ALPK1: variants seen among roughly 807,000 people sequenced by gnomAD.
The protein encoded by ALPK1 is alpha kinase 1.
In ALPK1, 110 loss-of-function variants were observed where a neutral mutation model predicts 120.6. The ratio of observed to expected loss-of-function variants is 0.91; its 90% confidence interval spans 0.78 to 1.07. The LOEUF (loss-of-function observed/expected upper bound fraction) is 1.07. ALPK1 is among the 50% of genes least tolerant of loss of function. The probability of loss-of-function intolerance (pLI) is 0.00; values close to 1 mark genes in which losing one functional copy is unlikely to be tolerated. For synonymous variants in ALPK1, 582 were observed against 560.3 expected (o/e 1.04, Z -0.55); for missense variants, 1,498 against 1,483.9 (o/e 1.01, Z -0.16).
In ALPK1 at chr4:112,331,238, A is replaced by G. The variant is rs183240125; in HGVS notation, c.-101+15386A>G. Reference sequence around the variant, plus strand: ...AGAGTAGGGAGACAGGAAAACGGACATGTGCAGTACTGGTCTTTTGCCCGC... The same window carrying G: ...AGAGTAGGGAGACAGGAAAACGGACGTGTGCAGTACTGGTCTTTTGCCCGC... On this transcript the variant is annotated intron_variant, in intron 2 of 15. Coordinates refer to ENST00000650871, the MANE Select transcript of ALPK1 (RefSeq NM_025144.4). Among the ~76,000 whole-genome samples, 312 of 152,308 alleles carry G rather than the reference A, an allele frequency of 2.0e-3. 1 individual carries two copies. The highest frequency in any genetic ancestry group is 6.8e-3 in the Middle Eastern group (2 of 294).
rs560437040 is a variant in ALPK1 at position 112,425,782 on chromosome 4, G to A, written c.622+31G>A. 403 of 1,568,712 alleles carry A rather than the reference G, an allele frequency of 2.6e-4. 5 individuals carry two copies. The South Asian group carries it at 3.8e-3, about 15-fold the overall frequency. On this transcript the variant is annotated intron_variant, in intron 7 of 15. Coordinates refer to ENST00000650871, the MANE Select transcript of ALPK1 (RefSeq NM_025144.4). The stretch of plus-strand genomic sequence containing the variant: ...ATCATGTAAAACTTGCATTTCTCAA[G>A]GCTCATTTACAAAGCCTGGCTGCAT...
chr4:112,314,509 T>C (rs1728549659), intron 1 of ALPK1, among the ~76,000 whole-genome samples: 1 of 152,142 alleles, frequency 6.6e-6, no homozygotes, highest in Non-Finnish European at 1.5e-5. Flanking sequence ...ATGACTGAGG[T>C]TGTGTCAAGG....
At chr4:112,435,094 G>A (rs1734730543) in intron 11 of ALPK1, 54 bp from the exon 12 acceptor site, 6 of 1,559,208 alleles carry the variant, frequency 3.8e-6, no homozygotes, top group East Asian at 2.2e-5. Context: ...CTTTATTCAT[G>A]AATTGTAACG....
chr4:112,402,587 T>G lies in ALPK1; in HGVS notation c.277-9240T>G, dbSNP rs1732967784. The stretch of plus-strand genomic sequence containing the variant: ...ATTAGAACCCCGTTATTTCCCATCC[T>G]GAAAACAGATGTGAAAAAACAACTG... On this transcript the variant is annotated intron_variant, in intron 4 of 15. Coordinates refer to ENST00000650871, the MANE Select transcript of ALPK1 (RefSeq NM_025144.4). Among the ~76,000 whole-genome samples, 4 of 152,312 alleles carry G rather than the reference T, an allele frequency of 2.6e-5. No homozygotes were observed. The South Asian group carries it at 8.3e-4, about 32-fold the overall frequency.
At chr4:112,347,436 C>T (rs544230546) in intron 2 of ALPK1, among the ~76,000 whole-genome samples, 9 of 152,270 alleles carry the variant, frequency 5.9e-5, no homozygotes, top group South Asian at 2.1e-4. Context: ...ATCATCAACC[C>T]GATTCAATTT....
intron 2 of ALPK1, among the ~76,000 whole-genome samples, chr4:112,322,457 T>TA (rs1728904434): frequency 6.6e-6 from 1 of 152,196 alleles, no homozygotes; most frequent in African/African-American, 2.4e-5. Context: ...ATCAACAAGA[T>TA]AGGTTACCCA....
chr4:112,349,639 C>T (rs779953155), intron 2 of ALPK1, among the ~76,000 whole-genome samples: 10 of 145,610 alleles, frequency 6.9e-5, no homozygotes, highest in Non-Finnish European at 1.2e-4. Flanking sequence ...CTGCAACTTC[C>T]GTCTCCCAGG....
intron 4 of ALPK1, among the ~76,000 whole-genome samples, chr4:112,389,761 A>T (rs888180727): frequency 6.6e-6 from 1 of 152,222 alleles, no homozygotes; most frequent in South Asian, 2.1e-4. Context: ...TCTTACAGAC[A>T]TCTGAAACTC....
At chr4:112,406,512 G>C (rs1733180694) in intron 4 of ALPK1, among the ~76,000 whole-genome samples, 1 of 152,188 alleles carries the variant, frequency 6.6e-6, no homozygotes, top group African/African-American at 2.4e-5. Flanking sequence ...AAGTAAAGGA[G>C]ATTGGAAGAC....
intron 2 of ALPK1, among the ~76,000 whole-genome samples, chr4:112,329,288 G>T (rs1388122144): frequency 6.6e-6 from 1 of 152,168 alleles, no homozygotes; most frequent in Non-Finnish European, 1.5e-5. Context: ...AAAGAGAAAA[G>T]CTGAGTAGAT....
chr4:112,357,070 C>T lies in ALPK1; in HGVS notation c.-100-20608C>T, dbSNP rs547920195. 8 of 951,476 alleles carry T rather than the reference C, an allele frequency of 8.4e-6. No homozygotes were observed. In the Admixed American group the frequency reaches 1.3e-4, roughly 15 times the overall value. 58.9% of individuals were successfully genotyped at this position (951,476 alleles called of 1,614,324 possible). On this transcript the variant is annotated intron_variant, in intron 2 of 15. Transcript: ENST00000650871. ...CAGGGCTGAACATGGAGCTGGAAGA[C>T]ATTGCAAAGCTGAAGATGATCCTGC...
At chr4:112,345,516 G>A (rs879433781) in intron 2 of ALPK1, among the ~76,000 whole-genome samples, 2 of 152,160 alleles carry the variant, frequency 1.3e-5, no homozygotes, top group Non-Finnish European at 2.9e-5. Context: ...TAGGGAGGCC[G>A]AAGCCCAATT....
chr4:112,366,344 C>T (rs1731150710), intron 2 of ALPK1, among the ~76,000 whole-genome samples: 1 of 151,460 alleles, frequency 6.6e-6, no homozygotes, highest in Admixed American at 6.6e-5. Flanking sequence ...AAACAAATCA[C>T]CAAGAAAAAA....
intron 2 of ALPK1, among the ~76,000 whole-genome samples, chr4:112,365,507 T>G (rs1420517661): frequency 6.6e-6 from 1 of 151,772 alleles, no homozygotes; most frequent in Admixed American, 6.6e-5. Context: ...ACCAAGGAGG[T>G]GAAAGACATC....
intron 2 of ALPK1, among the ~76,000 whole-genome samples, chr4:112,323,046 CTTTCT>C (rs1728930528): frequency 6.6e-6 from 1 of 152,208 alleles, no homozygotes; most frequent in South Asian, 2.1e-4. Flanking sequence ...ACCGCAGTCA[CTTTCT>C]ACAAGGTCCC....
chr4:112,408,832 A>G (rs1733317911), intron 4 of ALPK1, among the ~76,000 whole-genome samples: 1 of 152,094 alleles, frequency 6.6e-6, no homozygotes, highest in Admixed American at 6.6e-5. Context: ...TATTTGACGA[A>G]CTCAGTCGAA....
intron 1 of ALPK1, among the ~76,000 whole-genome samples, chr4:112,304,438 C>CA (rs1205317084): frequency 6.6e-6 from 1 of 152,076 alleles, no homozygotes; most frequent in Non-Finnish European, 1.5e-5. Flanking sequence ...TAATGATTGC[C>CA]ATTCTAACTG....
intron 7 of ALPK1, 153 bp downstream of exon 7, chr4:112,425,904 C>T (rs1424617346): frequency 3.7e-6 from 2 of 544,968 alleles, no homozygotes; most frequent in Non-Finnish European, 6.6e-6. Flanking sequence ...ATTTAAGATC[C>T]TAGGAGTGTC....
intron 4 of ALPK1, chr4:112,384,974 C>T (rs564151531): frequency 6.6e-6 from 1 of 152,304 alleles, no homozygotes; most frequent in African/African-American, 2.4e-5. Context: ...CTTTACAAAC[C>T]TTCCAAGGAA....
Sources: allele counts gnomAD v4.1 joint callset (sites outside exome capture counted in the v4.1 genomes callset), GRCh38; gene constraint gnomAD v4.1.1; transcripts MANE v1.5; gene names NCBI Gene and HGNC (gene_info 2026-07-23, HGNC 2026-07-21).